Variants in ZNF337 observed in about 807,000 individuals in gnomAD.
ZNF337 encodes the protein zinc finger protein 337.
A neutral mutation model predicts 12.1 loss-of-function variants in ZNF337; 8 were observed. That is an observed-to-expected ratio of 0.66 (90% CI 0.39 to 1.19). The LOEUF is 1.19. Ranked by LOEUF, ZNF337 falls within the 50% of genes most tolerant of loss-of-function variation. ZNF337 has a pLI of 0.01. For synonymous variants in ZNF337, 336 were observed against 320.0 expected, an observed-to-expected ratio of 1.05 and a Z score of -0.53; for missense variants, 882 against 896.6, an observed-to-expected ratio of 0.98 and a Z score of 0.21.
At chr20:25,685,118 A>AG (rs1253019345) in intron 4 of ZNF337, among the ~76,000 whole-genome samples, 2 of 143,580 alleles carry the variant, frequency 1.4e-5, no homozygotes, top group African/African-American at 5.9e-5. Flanking sequence ...CAGAACTTAA[A>AG]TTAAAAAAAA....
chr20:25,696,647 A>G, intron 1 of ZNF337, 112 bp downstream of exon 1: 1 of 757,346 alleles, frequency 1.3e-6, no homozygotes, highest in Non-Finnish European at 1.6e-6. Context: ...CCGGGCCTGG[A>G]GGAGCGCGCG....
chr20:25,685,754 A>T, intron 3 of ZNF337, 92 bp from the exon 4 acceptor site: 1 of 1,263,106 alleles, frequency 7.9e-7, no homozygotes, highest in Admixed American at 1.7e-5. Context: ...AGGGAGGGAG[A>T]ATCAGAGGGG....
chr20:25,685,540 CTCTG>C (rs756072404), intron 4 of ZNF337, 23 bp downstream of exon 4: 2 of 1,593,648 alleles, frequency 1.3e-6, no homozygotes, highest in African/African-American at 2.7e-5. Flanking sequence ...GTGCCTTGTG[CTCTG>C]TCTGCCCTGT....
At chr20:25,689,443 T>C (rs965334524) in intron 1 of ZNF337, among the ~76,000 whole-genome samples, 7 of 152,236 alleles carry the variant, frequency 4.6e-5, no homozygotes, top group African/African-American at 9.6e-5. Context: ...GTCCATATTT[T>C]GGTGAGAATT....
At chr20:25,681,334 C>T (rs968024712) in intron 4 of ZNF337, 2 of 152,078 alleles carry the variant, frequency 1.3e-5, no homozygotes, top group Non-Finnish European at 2.9e-5. Flanking sequence ...GGAGTGGCCC[C>T]GATCCAAAAG....
At chr20:25,695,975 T>A (rs896259146) in intron 1 of ZNF337, among the ~76,000 whole-genome samples, 3 of 152,018 alleles carry the variant, frequency 2.0e-5, no homozygotes, top group Non-Finnish European at 4.4e-5. Flanking sequence ...TAAACCTTTT[T>A]AAATATATTT....
chr20:25,696,492 T>C (rs1166929077), intron 1 of ZNF337, among the ~76,000 whole-genome samples: 2 of 152,102 alleles, frequency 1.3e-5, no homozygotes, highest in Admixed American at 6.5e-5. Context: ...AAATCCGGGC[T>C]GTTCACCGCC....
intron 1 of ZNF337, among the ~76,000 whole-genome samples, chr20:25,695,115 A>G (rs535057758): frequency 3.9e-5 from 6 of 152,288 alleles, no homozygotes; most frequent in Admixed American, 3.9e-4. Flanking sequence ...TACTAAAAAT[A>G]CAAAAATTAG....
In ZNF337 at chr20:25,675,053, A is replaced by G. The variant is rs766664537; in HGVS notation, c.2235T>C (p.Ser745=). ...HLREKRFCTG[S]VGEASS ...AACTTCAAGATGAAGCCTCACCCAC[A>G]CTCCCTGTACAAAAACGCTTCTCAC... The change falls in exon 5 of 5, where the codon AGT becomes AGC. Residue 745 remains serine (S), a synonymous_variant. Coordinates refer to ENST00000252979, the MANE Select transcript of ZNF337 (RefSeq NM_015655.4). 5.6e-6 allele frequency: 9 copies of G among 1,613,390 alleles called. No homozygotes were observed. Among genetic ancestry groups the G allele is most frequent in the Non-Finnish European group, 7.6e-6 (9 of 1,179,754 alleles).
chr20:25,679,374 A>G (rs927041367), intron 4 of ZNF337, among the ~76,000 whole-genome samples: 1 of 152,212 alleles, frequency 6.6e-6, no homozygotes, highest in Non-Finnish European at 1.5e-5. Flanking sequence ...GAAAGTATCA[A>G]CAGTGAAGAT....
intron 1 of ZNF337, among the ~76,000 whole-genome samples, chr20:25,696,307 C>G (rs1600457607): frequency 6.6e-6 from 1 of 152,146 alleles, no homozygotes; most frequent in South Asian, 2.1e-4. Flanking sequence ...CGGACCTAGC[C>G]CATCCGTCTC....
rs981441 is a variant in ZNF337, at chr20:25,677,109, T to C, written c.251-72A>G. ...TCTATGAAAGAAAAACCCAGAACCA[T>C]ATTGCTTTACTGCTTAATTCTAATA... On this transcript the variant is annotated intron_variant, in intron 4 of 4. Transcript: ENST00000252979. 2.0e-5 allele frequency: 25 copies of C among 1,253,062 alleles called. No individual in the cohort carries two copies. The South Asian group carries it at 3.6e-4, about 18-fold the overall frequency. 77.6% of individuals were successfully genotyped at this position (1,253,062 alleles called of 1,614,324 possible).
rs2065638116 is a variant in ZNF337, at chr20:25,673,382, CT to C, written c.*1649del. ...TGTGCTGGACAAGGGTTGTGTGCAGCTATGTAGGGCACATGCTCATTAAGCT... is the reference window on the plus strand; with the variant it reads ...TGTGCTGGACAAGGGTTGTGTGCAGCATGTAGGGCACATGCTCATTAAGCT... On this transcript the variant is annotated 3_prime_UTR_variant, in exon 5 of 5. Coordinates refer to ENST00000252979, the MANE Select transcript of ZNF337 (RefSeq NM_015655.4). Among the ~76,000 whole-genome samples the C allele has an allele frequency of 6.6e-6, 1 of 152,134 alleles. No homozygotes were observed. Among genetic ancestry groups the C allele is most frequent in the African/African-American group, 2.4e-5 (1 of 41,420 alleles).
In ZNF337 at chr20:25,675,716, G is replaced by A. The variant is rs749938025; in HGVS notation, c.1572C>T (p.Gly524=). The A allele has an allele frequency of 5.6e-6, 9 of 1,614,026 alleles. No homozygotes were observed. The highest frequency in any genetic ancestry group is 6.8e-6 in the Non-Finnish European group (8 of 1,180,000). Residue 524 remains glycine (G), a synonymous_variant, in exon 5 of 5, where the codon GGC becomes GGT. Transcript: ENST00000252979. The part of the protein sequence containing the change: ...KRFFCRDCGR[G]FTLKPNLTIH... ...TGGTGAGATTTGGCTTCAAGGTAAA[G>A]CCTCGCCCACAATCCCTGCAGAAAA...
In ZNF337 at chr20:25,675,894, CAG is replaced by C; in HGVS notation, c.1392_1393del (p.Asp464GlufsTer36). The C allele has an allele frequency of 6.2e-7, 1 of 1,614,198 alleles. No individual in the cohort carries two copies. Among genetic ancestry groups the C allele is most frequent in the Non-Finnish European group, 8.5e-7 (1 of 1,180,028 alleles). ...TGACTTTTGGATAAAGCCTCGTCCA[CAG>C]TCCTTGCACACAAAAGGCTTCTCCT... On this transcript the variant is annotated frameshift_variant, in exon 5 of 5. Coordinates refer to ENST00000252979, the MANE Select transcript of ZNF337 (RefSeq NM_015655.4). LOFTEE classifies it low-confidence loss of function (END_TRUNC).
intron 4 of ZNF337, among the ~76,000 whole-genome samples, chr20:25,684,546 C>T (rs1203567432): frequency 2.0e-5 from 3 of 152,076 alleles, no homozygotes; most frequent in Admixed American, 2.0e-4. Context: ...ATTAGTTCAA[C>T]CATTGTGGAA....
chr20:25,675,132 CCA>C lies in ZNF337; in HGVS notation c.2154_2155del (p.Cys718TrpfsTer5), dbSNP rs1463488171. On this transcript the variant is annotated frameshift_variant, in exon 5 of 5. Transcript: ENST00000252979. LOFTEE classifies it low-confidence loss of function (END_TRUNC). ...GTATGACTTATTGCTAAACTTTCGT[CCA>C]CACTCTTGGCATTCATAAGGCCTCT... 1 of 1,614,090 alleles carries C rather than the reference CCA, an allele frequency of 6.2e-7. No individual in the cohort carries two copies. The highest frequency in any genetic ancestry group is 1.3e-5 in the African/African-American group (1 of 74,922).
At position 25,675,636 on chromosome 20, in the gene ZNF337, T is replaced by G. The variant is rs770879147; in HGVS notation, c.1652A>C (p.Lys551Thr). The G allele has an allele frequency of 1.2e-6, 2 of 1,613,872 alleles. No individual in the cohort carries two copies. Among genetic ancestry groups the G allele is most frequent in the South Asian group, 2.2e-5 (2 of 91,068 alleles). Residue 551 changes from lysine to threonine, a missense_variant, in exon 5 of 5, where the codon AAA (lysine) becomes ACA (threonine). By Grantham distance (78) the Lys-to-Thr change is moderately conservative. Transcript: ENST00000252979. Reference protein sequence around the residue: ...EKPFMCKQCEKSFSLKANLLR... With the variant: ...EKPFMCKQCETSFSLKANLLR... ...AAGATTTGCCTTCAAACTAAAACTT[T>G]TCTCACACTGCTTGCACATGAAGGG... is the stretch of plus-strand genomic sequence containing the variant.
At chr20:25,683,203 G>C (rs1316982461) in intron 4 of ZNF337, among the ~76,000 whole-genome samples, 1 of 151,172 alleles carries the variant, frequency 6.6e-6, no homozygotes, top group Non-Finnish European at 1.5e-5. Flanking sequence ...TGCTCCAAGA[G>C]AGAACAAGTC....
Sources: allele counts gnomAD v4.1 joint callset (sites outside exome capture counted in the v4.1 genomes callset), GRCh38; gene constraint gnomAD v4.1.1; transcripts MANE v1.5; gene names NCBI Gene and HGNC (gene_info 2026-07-23, HGNC 2026-07-21).